The following EOMES variants were observed in gnomAD, a reference collection of about 807,000 sequenced individuals.
EOMES encodes eomesodermin homolog.
Under a neutral mutation model 61.0 loss-of-function variants are expected in EOMES, and 18 were observed. That is an observed-to-expected ratio of 0.30 (90% CI 0.20 to 0.44). The LOEUF (loss-of-function observed/expected upper bound fraction) is 0.44, where lower values mean the gene tolerates loss of function less well. Ranked by LOEUF, EOMES falls within the 20% of genes least tolerant of loss-of-function variation. The probability of loss-of-function intolerance (pLI) is 1.00; values close to 1 mark genes in which losing one functional copy is unlikely to be tolerated. For missense variants in EOMES, 885 were observed against 939.2 expected (o/e 0.94, Z 0.75); for synonymous variants, 430 against 394.0 (o/e 1.09, Z -1.08).
chr3:27,718,986 G>A (rs1050705376), intron 3 of EOMES, 93 bp from the exon 4 acceptor site: 1 of 960,034 alleles, frequency 1.0e-6, no homozygotes, highest in Non-Finnish European at 1.5e-6. Context: ...TTTTGGTATT[G>A]GACTTCTAAA....
chr3:27,717,368 C>T lies in EOMES; in HGVS notation c.1820G>A (p.Gly607Glu). ...RGSYQRKMAA[G>E]LPWTSRTSPT... The stretch of plus-strand genomic sequence containing the variant: ...GCTTGTTCTGGAGGTCCATGGTAGT[C>T]CAGCTGCCATCTTCCTCTGGTAAGA... Residue 607 changes from glycine to glutamate, a missense_variant, in exon 6 of 6, where the codon GGA becomes GAA. By Grantham distance (98) the Gly-to-Glu change is moderately conservative. Coordinates refer to ENST00000449599, the MANE Select transcript of EOMES (RefSeq NM_001278182.2). This position sits in a 1 kb window ranked among gnomAD's most constrained non-coding sequence, Gnocchi z 4.5. 6.2e-7 allele frequency: 1 copy of T among 1,614,104 alleles called. No homozygotes were observed. Among genetic ancestry groups the T allele is most frequent in the Non-Finnish European group, 8.5e-7 (1 of 1,179,970 alleles).
intron 3 of EOMES, 40 bp from the exon 4 acceptor site, chr3:27,718,933 C>G (rs529670899): frequency 4.7e-6 from 7 of 1,480,976 alleles, no homozygotes; most frequent in Non-Finnish European, 6.5e-6. Context: ...ATCTAAAAAG[C>G]CTCTTAGTGG....
At position 27,721,862 on chromosome 3, in the gene EOMES, A is replaced by G; in HGVS notation, c.433T>C (p.Tyr145His). 1.3e-6 allele frequency: 2 copies of G among 1,506,932 alleles called. No individual in the cohort carries two copies. The highest frequency in any genetic ancestry group is 2.5e-5 in the South Asian group (2 of 79,260). 93.3% of individuals were successfully genotyped at this position (1,506,932 alleles called of 1,614,324 possible). ...SMDSLSSERY[Y>H]LQSPGPQGSE... ...CCCTGAGGACCGGGGGACTGGAGGT[A>G]GTACCGCTCGGAGCTCAGGCTGTCC... Residue 145 changes from tyrosine (Y) to histidine (H), a missense_variant, in exon 1 of 6, where the codon TAC (tyrosine) becomes CAC (histidine). By Grantham distance (83) the Tyr-to-His change is moderately conservative. Coordinates refer to ENST00000449599, the MANE Select transcript of EOMES (RefSeq NM_001278182.2). This position sits in a 1 kb window ranked among gnomAD's most constrained non-coding sequence, Gnocchi z 7.4.
Position 27,721,467 on chromosome 3 carries a change from C to T in EOMES, c.828G>A (p.Leu276=). Residue 276 remains leucine, a synonymous_variant, in exon 1 of 6, where the codon CTG becomes CTA. Coordinates refer to ENST00000449599, the MANE Select transcript of EOMES (RefSeq NM_001278182.2). This position sits in a 1 kb window ranked among gnomAD's most constrained non-coding sequence, Gnocchi z 7.4. ...RAHVYLCNRP[L]WLKFHRHQTE... is the part of the protein sequence containing the mutation. ...TTTGGTGGCGGTGGAATTTGAGCCA[C>T]AGAGGCCGGTTGCACAGGTAGACGT... 6.2e-7 allele frequency: 1 copy of T among 1,613,650 alleles called. No individual in the cohort carries two copies. The highest frequency in any genetic ancestry group is 8.5e-7 in the Non-Finnish European group (1 of 1,179,922).
chr3:27,721,934 CGG>C lies in EOMES; in HGVS notation c.359_360del (p.Ala120GlyfsTer61), dbSNP rs1192185464. 5.5e-5 allele frequency: 75 copies of C among 1,370,568 alleles called. No individual in the cohort carries two copies. The Middle Eastern group carries it at 1.1e-3, about 20-fold the overall frequency. The allele number at this position is 1,370,568 out of a possible 1,614,324, so 84.9% of individuals were successfully genotyped here. ...GCAGCCGCGGCGGCGGCGGCGGCGG[CGG>C]CTGCAGCGGCGGAGGGCAGCTCCTC... is the stretch of plus-strand genomic sequence containing the variant. ...GEEELPSAAA[A>X]AAAAAAAAAA... On this transcript the variant is annotated frameshift_variant, in exon 1 of 6. Coordinates refer to ENST00000449599, the MANE Select transcript of EOMES (RefSeq NM_001278182.2). LOFTEE classifies it high-confidence loss of function. This position sits in a 1 kb window ranked among gnomAD's most constrained non-coding sequence, Gnocchi z 7.4.
chr3:27,717,678 G>A lies in EOMES; in HGVS notation c.1510C>T (p.Pro504Ser). 1.2e-6 allele frequency: 2 copies of A among 1,614,072 alleles called. No individual in the cohort carries two copies. The highest frequency in any genetic ancestry group is 1.7e-6 in the Non-Finnish European group (2 of 1,180,018). Reference sequence around the variant, plus strand: ...TCGCCATTATAATAGCGGGCTTGAGGTAAAGTGTTGACAAAGGGCTCCGGG... The same window carrying A: ...TCGCCATTATAATAGCGGGCTTGAGATAAAGTGTTGACAAAGGGCTCCGGG... ...FFPEPFVNTL[P>S]QARYYNGERT... Residue 504 changes from proline (P) to serine (S), a missense_variant, in exon 6 of 6, where the codon CCT (proline) becomes TCT (serine). Coordinates refer to ENST00000449599, the MANE Select transcript of EOMES (RefSeq NM_001278182.2). This position sits in a 1 kb window ranked among gnomAD's most constrained non-coding sequence, Gnocchi z 4.5.
At position 27,718,885 on chromosome 3, in the gene EOMES, G is replaced by A; in HGVS notation, c.1167C>T (p.Val389=). The A allele has an allele frequency of 6.2e-7, 1 of 1,610,876 alleles. No individual in the cohort carries two copies. Among genetic ancestry groups the A allele is most frequent in the Non-Finnish European group, 8.5e-7 (1 of 1,177,636 alleles). Reference sequence around the variant, plus strand: ...GTTGGTATTTGTGTAAGGATTGTAAGACTATCATCTGGAAAGAGTACAGAA... The same window carrying A: ...GTTGGTATTTGTGTAAGGATTGTAAAACTATCATCTGGAAAGAGTACAGAA... ...GANNNNTQMI[V]LQSLHKYQPR... is the part of the protein sequence containing the mutation. Residue 389 remains valine (V), a synonymous_variant, in exon 4 of 6, where the codon GTC becomes GTT. Coordinates refer to ENST00000449599, the MANE Select transcript of EOMES (RefSeq NM_001278182.2).
intron 5 of EOMES, 58 bp downstream of exon 5, chr3:27,718,529 G>T: frequency 9.0e-7 from 1 of 1,113,970 alleles, no homozygotes; most frequent in African/African-American, 1.6e-5. Context: ...CAAAGTGCCT[G>T]TTGATGTATG....
rs553096274 is a variant in EOMES, at chr3:27,721,556, C to A, written c.739G>T (p.Ala247Ser). ...AGTCCTCCGCAAGATCCCGCCGCTGCGGCTCCAGGGTACGGCCCGTAGAGC... is the reference window on the plus strand; with the variant it reads ...AGTCCTCCGCAAGATCCCGCCGCTGAGGCTCCAGGGTACGGCCCGTAGAGC... ...APLYGPYPGA[A>S]AAGSCGGLGG... Residue 247 changes from alanine to serine, a missense_variant, in exon 1 of 6, where the codon GCA becomes TCA. Physicochemically the swap from Ala to Ser is moderately conservative, Grantham distance 99 (BLOSUM62 1). Transcript: ENST00000449599. This position sits in a 1 kb window ranked among gnomAD's most constrained non-coding sequence, Gnocchi z 7.4. 5.6e-6 allele frequency: 9 copies of A among 1,604,458 alleles called. No individual in the cohort carries two copies. Among genetic ancestry groups the A allele is most frequent in the Middle Eastern group, 3.3e-4 (2 of 6,002 alleles).
rs2060609766 is a variant in EOMES, at chr3:27,721,185, A to G, written c.881+229T>C. On this transcript the variant is annotated intron_variant, in intron 1 of 5. Coordinates refer to ENST00000449599, the MANE Select transcript of EOMES (RefSeq NM_001278182.2). This position sits in a 1 kb window ranked among gnomAD's most constrained non-coding sequence, Gnocchi z 7.4. ...TGTTCAGGTGAGGATGATGGGAGGG[A>G]AAAGCGGTGTACAGCCGTAACATTG... Among the ~76,000 whole-genome samples the G allele has an allele frequency of 6.6e-6, 1 of 152,098 alleles. No individual in the cohort carries two copies. Among genetic ancestry groups the G allele is most frequent in the Non-Finnish European group, 1.5e-5 (1 of 68,014 alleles).
Position 27,721,585 on chromosome 3 carries a change from GC to G in EOMES, c.709del (p.Ala237LeufsTer51). On this transcript the variant is annotated frameshift_variant, in exon 1 of 6. Transcript: ENST00000449599. LOFTEE classifies it high-confidence loss of function. This position sits in a 1 kb window ranked among gnomAD's most constrained non-coding sequence, Gnocchi z 7.4. ...TCCAGGGTACGGCCCGTAGAGCGGA[GC>G]CCCCTGGCTGTACTGATAGGTGCCC... ...GPGTYQYSQGAPLYGPYPGAA... is the reference protein window; with the variant it reads ...GPGTYQYSQGXPLYGPYPGAA... 1 of 1,577,450 alleles carries G rather than the reference GC, an allele frequency of 6.3e-7. No homozygotes were observed.
chr3:27,720,184 G>A lies in EOMES; in HGVS notation c.1023C>T (p.Asp341=). ...GGKWVTCGKA[D]NNMQGNKMYV... Reference sequence around the variant, plus strand: ...TTCTCTGCTCACCCTGCATGTTATTGTCGGCTTTGCCACAGGTCACCCATT... The same window carrying A: ...TTCTCTGCTCACCCTGCATGTTATTATCGGCTTTGCCACAGGTCACCCATT... Residue 341 remains aspartate, a synonymous_variant, in exon 2 of 6, where the codon GAC becomes GAT. Transcript: ENST00000449599. The A allele has an allele frequency of 6.3e-7, 1 of 1,593,650 alleles. No homozygotes were observed. The highest frequency in any genetic ancestry group is 8.5e-7 in the Non-Finnish European group (1 of 1,170,400).
chr3:27,717,327 C>G lies in EOMES; in HGVS notation c.1861G>C (p.Glu621Gln). Residue 621 changes from glutamate (E) to glutamine (Q), a missense_variant, in exon 6 of 6, where the codon GAA becomes CAA. By Grantham distance (29) the Glu-to-Gln change is conservative (BLOSUM62 2). Transcript: ENST00000449599. The surrounding 1 kb of genome is among the most constrained non-coding windows in gnomAD (Gnocchi z 4.5). ...TSRTSPTVFS[E>Q]DQLSKEKVKE... ...ACTTTCTCCTTGGAGAGCTGATCTT[C>G]AGAGAACACAGTGGGGCTTGTTCTG... The G allele has an allele frequency of 6.2e-7, 1 of 1,614,186 alleles. No homozygotes were observed. The highest frequency in any genetic ancestry group is 8.5e-7 in the Non-Finnish European group (1 of 1,180,030).
intron 1 of EOMES, among the ~76,000 whole-genome samples, 200 bp from the exon 2 acceptor site, chr3:27,720,525 T>C (rs1397038016): frequency 9.0e-6 from 1 of 110,536 alleles, no homozygotes; most frequent in African/African-American, 3.6e-5. Context: ...AACCTTTCCG[T>C]CTTTTCAAAA....
At chr3:27,720,748 A>G (rs543692737) in intron 1 of EOMES, among the ~76,000 whole-genome samples, 21 of 152,326 alleles carry the variant, frequency 1.4e-4, no homozygotes, top group Admixed American at 3.3e-4. Flanking sequence ...TTAAAAATAT[A>G]TATTAAAACT....
upstream of EOMES, chr3:27,722,584 C>T (rs887492673): frequency 3.3e-6 from 4 of 1,217,040 alleles, no homozygotes; most frequent in East Asian, 7.6e-5. Context: ...CCTCAGGACC[C>T]CCACCCTCCT....
chr3:27,722,442 G>T (rs1035415808), upstream of EOMES: 12 of 1,370,708 alleles, frequency 8.8e-6, no homozygotes, highest in Non-Finnish European at 1.0e-5. Flanking sequence ...GCCGACTCGC[G>T]GGCCGCTACT....
rs1243053295 is a variant in EOMES at position 27,722,232 on chromosome 3, C to T, written c.63G>A (p.Pro21=). 1.9e-6 allele frequency: 3 copies of T among 1,605,106 alleles called. No individual in the cohort carries two copies. The highest frequency in any genetic ancestry group is 1.3e-5 in the African/African-American group (1 of 74,474). ...CGCTGCCGCCTCGCGCACTCTCCAG[C>T]GGGTAGAAGTGCGCGCCAGGCAGGT... ...SVNLPGAHFY[P]LESARGGSGG... Residue 21 remains proline (P), a synonymous_variant, in exon 1 of 6, where the codon CCG becomes CCA. Coordinates refer to ENST00000449599, the MANE Select transcript of EOMES (RefSeq NM_001278182.2).
At chr3:27,722,425 C>T (rs1172431032), upstream of EOMES, 2 of 1,368,412 alleles carry the variant, frequency 1.5e-6, no homozygotes, top group African/African-American at 3.1e-5. Context: ...GCCGGGGCTA[C>T]CCACCTGCCG....
Sources: gnomAD v4.1 joint callset for allele counts (sites outside exome capture counted in the v4.1 genomes callset) on GRCh38, gnomAD v4.1.1 for gene constraint, Gnocchi (gnomAD v3.1) non-coding constraint, MANE v1.5 for transcripts, NCBI Gene and HGNC (gene_info 2026-07-23, HGNC 2026-07-21) for gene names.